The following MAN2A2 variants were observed in gnomAD, a reference collection of about 807,000 sequenced individuals.
The protein encoded by MAN2A2 is mannosidase alpha class 2A member 2.
Under a neutral mutation model 126.8 loss-of-function variants are expected in MAN2A2, and 79 were observed. The observed-to-expected ratio is 0.62, with a 90% CI of 0.52 to 0.75. The LOEUF is 0.75. Ranked by LOEUF, MAN2A2 falls within the 30% of genes least tolerant of loss-of-function variation. The probability of loss-of-function intolerance (pLI) is 0.00; values close to 1 mark genes in which losing one functional copy is unlikely to be tolerated. For missense variants in MAN2A2, 1,392 were observed against 1,522.4 expected (o/e 0.91, Z 1.43); for synonymous variants, 671 against 618.7 (o/e 1.08, Z -1.25).
At chr15:90,918,054 A>C in intron 20 of MAN2A2, 140 bp from the exon 21 acceptor site, 1 of 747,822 alleles carries the variant, frequency 1.3e-6, no homozygotes. Context: ...CCTCGCCTGG[A>C]GCCAGGCGTG....
Position 90,912,651 on chromosome 15 carries a change from A to T in MAN2A2, c.2456A>T (p.Asp819Val). The T allele has an allele frequency of 6.2e-7, 1 of 1,614,124 alleles. No individual in the cohort carries two copies. Among genetic ancestry groups the T allele is most frequent in the Non-Finnish European group, 8.5e-7 (1 of 1,180,006 alleles). The change falls in exon 16 of 23, where the codon GAT becomes GTT. Residue 819 changes from aspartate (D) to valine (V), a missense_variant. Coordinates refer to ENST00000559717, the MANE Select transcript of MAN2A2 (RefSeq NM_006122.4). ...AGTGGAGCCTACCTCTTCCTGCCCG[A>T]TGGCGAGGCCAAGGTATCCTAAAGA... The part of the protein sequence containing the change: ...DKSGAYLFLP[D>V]GEAKPYVPKE...
In MAN2A2 at chr15:90,907,000, T is replaced by G. The variant is rs2034349660; in HGVS notation, c.1009+87T>G. 12 of 1,503,346 alleles carry G rather than the reference T, an allele frequency of 8.0e-6. No individual in the cohort carries two copies. In the South Asian group the frequency reaches 1.4e-4, roughly 18 times the overall value. 93.1% of individuals were successfully genotyped at this position (1,503,346 alleles called of 1,614,324 possible). On this transcript the variant is annotated intron_variant, in intron 7 of 22. Transcript: ENST00000559717. ...ATATCAGAACTAAGACCCCCACTGT[T>G]CTTCAGAGCAGACCTGCAGGCACTG...
chr15:90,902,585 C>G (rs867073581), upstream of MAN2A2: 1 of 152,176 alleles, frequency 6.6e-6, no homozygotes, highest in Non-Finnish European at 1.5e-5. Context: ...GCTGGCCAGG[C>G]CCGGCCCGGG....
intron 5 of MAN2A2, 43 bp from the exon 6 acceptor site, chr15:90,906,327 C>T (rs749261336): frequency 3.0e-5 from 48 of 1,611,782 alleles, no homozygotes; most frequent in Non-Finnish European, 3.5e-5. Flanking sequence ...CAGGACTGGG[C>T]AGAGTGTCCT....
chr15:90,908,608 G>A (rs2034482101), intron 8 of MAN2A2, among the ~76,000 whole-genome samples: 1 of 148,028 alleles, frequency 6.8e-6, no homozygotes. Context: ...TTGAGATGGA[G>A]TCTGTCACCC....
At chr15:90,916,288 G>A in intron 20 of MAN2A2, 32 bp downstream of exon 20, 1 of 1,607,738 alleles carries the variant, frequency 6.2e-7, no homozygotes, top group Non-Finnish European at 8.5e-7. Flanking sequence ...CAGGGAGCCA[G>A]GTCTGGCTAG....
In MAN2A2 at chr15:90,904,232, G is replaced by A. The variant is rs2034066253; in HGVS notation, c.25G>A (p.Val9Met). MKLKKQVT[V>M]CGAAIFCVAV... is the part of the protein sequence containing the mutation. ...TATGAAGCTGAAAAAGCAGGTGACAGTGTGTGGGGCTGCCATCTTCTGTGT... is the reference window on the plus strand; with the variant it reads ...TATGAAGCTGAAAAAGCAGGTGACAATGTGTGGGGCTGCCATCTTCTGTGT... Residue 9 changes from valine (V) to methionine (M), a missense_variant, in exon 2 of 23, where the codon GTG becomes ATG. Physicochemically the swap from Val to Met is conservative, Grantham distance 21. Transcript: ENST00000559717. 6.2e-7 allele frequency: 1 copy of A among 1,614,234 alleles called. No homozygotes were observed.
chr15:90,905,827 C>G lies in MAN2A2; in HGVS notation c.536-18C>G. On this transcript the variant is annotated intron_variant, in intron 4 of 22. Coordinates refer to ENST00000559717, the MANE Select transcript of MAN2A2 (RefSeq NM_006122.4). ...GAAGATGGTGGCATCCTCAGGGGAC[C>G]CTACATTGGCTCCCTAGGCTGGATC... 1 of 1,574,454 alleles carries G rather than the reference C, an allele frequency of 6.4e-7. No individual in the cohort carries two copies. Among genetic ancestry groups the G allele is most frequent in the Non-Finnish European group, 8.6e-7 (1 of 1,159,428 alleles).
chr15:90,912,144 CCTGCACGGCCGGCAG>C lies in MAN2A2; in HGVS notation c.2215_2229del (p.His739_Leu743del), dbSNP rs760343413. On this transcript the variant is annotated inframe_deletion, in exon 15 of 23. Coordinates refer to ENST00000559717, the MANE Select transcript of MAN2A2 (RefSeq NM_006122.4). ...CGCTGCCCTCCTCTGTGCGCATCTACCTGCACGGCCGGCAGCTGTCCGTCAGCAGGCACGAAGCGT... is the reference window on the plus strand; with the variant it reads ...CGCTGCCCTCCTCTGTGCGCATCTACCTGTCCGTCAGCAGGCACGAAGCGT... 1.9e-6 allele frequency: 3 copies of C among 1,613,794 alleles called. No individual in the cohort carries two copies. Among genetic ancestry groups the C allele is most frequent in the Admixed American group, 3.3e-5 (2 of 60,016 alleles).
At chr15:90,904,376 A>G in intron 2 of MAN2A2, 37 bp downstream of exon 2, 1 of 1,602,216 alleles carries the variant, frequency 6.2e-7, no homozygotes, top group Non-Finnish European at 8.5e-7. Flanking sequence ...TTTGTATACA[A>G]GTCACCTGGG....
chr15:90,918,509 C>A (rs1005817741), intron 21 of MAN2A2, 121 bp downstream of exon 21: 1 of 1,297,234 alleles, frequency 7.7e-7, no homozygotes, highest in Non-Finnish European at 1.1e-6. Context: ...CGGCTCCAAA[C>A]CTCCAGGACC....
At chr15:90,911,960 A>C (rs1340422459) in intron 14 of MAN2A2, 83 bp from the exon 15 acceptor site, 2 of 1,175,948 alleles carry the variant, frequency 1.7e-6, no homozygotes, top group Non-Finnish European at 2.5e-6. Flanking sequence ...GGCTTGCTCA[A>C]GCCCTCTGTT....
rs1026335334 is a variant in MAN2A2, at chr15:90,922,432, A to G, written c.*2645A>G. 4 of 152,226 alleles carry G rather than the reference A, an allele frequency of 2.6e-5. No homozygotes were observed. The highest frequency in any genetic ancestry group is 9.6e-5 in the African/African-American group (4 of 41,456). The allele number at this position is 152,226 out of a possible 1,614,324, so 9.4% of individuals were successfully genotyped here. Reference sequence around the variant, plus strand: ...GCCTGGTATATACGAGAGCTCCACAAATGTGAGCTATAATCCTACTAGTAA... The same window carrying G: ...GCCTGGTATATACGAGAGCTCCACAGATGTGAGCTATAATCCTACTAGTAA... On this transcript the variant is annotated 3_prime_UTR_variant, in exon 23 of 23. Coordinates refer to ENST00000559717, the MANE Select transcript of MAN2A2 (RefSeq NM_006122.4).
intron 19 of MAN2A2, 159 bp from the exon 20 acceptor site, chr15:90,915,964 C>T (rs1375193339): frequency 1.4e-6 from 1 of 709,568 alleles, no homozygotes; most frequent in South Asian, 2.0e-5. Context: ...ATCAGGTTCC[C>T]TCCCAGCCGT....
At chr15:90,913,512 T>C (rs1289958330) in intron 18 of MAN2A2, 102 bp from the exon 19 acceptor site, 4 of 1,565,476 alleles carry the variant, frequency 2.6e-6, no homozygotes, top group South Asian at 1.2e-5. Flanking sequence ...TGGAGAAAGA[T>C]GAATGAGAGG....
chr15:90,918,295 G>T lies in MAN2A2; in HGVS notation c.3096G>T (p.Gln1032His). Residue 1032 changes from glutamine to histidine, a missense_variant, in exon 21 of 23, where the codon CAG (glutamine) becomes CAT (histidine). Gln to His is a conservative substitution (Grantham distance 24). Coordinates refer to ENST00000559717, the MANE Select transcript of MAN2A2 (RefSeq NM_006122.4). The part of the protein sequence containing the change: ...PALALPVARM[Q>H]LPGPGLRSFH... ...TCGCTCTGCCTGTAGCCAGGATGCA[G>T]CTCCCAGGCCCTGGTCTGCGCTCAT... is the stretch of plus-strand genomic sequence containing the variant. 1 of 1,614,178 alleles carries T rather than the reference G, an allele frequency of 6.2e-7. No homozygotes were observed.
chr15:90,913,973 G>A (rs1402542608), intron 19 of MAN2A2, among the ~76,000 whole-genome samples: 1 of 152,208 alleles, frequency 6.6e-6, no homozygotes, highest in Non-Finnish European at 1.5e-5. Context: ...GCAACTGGGT[G>A]GAGTGTCCTA....
At position 90,916,372 on chromosome 15, in the gene MAN2A2, A is replaced by G. The variant is rs543163853; in HGVS notation, c.2994+116A>G. The G allele has an allele frequency of 1.1e-3, 1,503 of 1,339,912 alleles. 27 individuals carry two copies. Among genetic ancestry groups the G allele is most frequent in the Non-Finnish European group, 2.3e-4 (223 of 977,462 alleles). The allele number at this position is 1,339,912 out of a possible 1,614,324, so 83.0% of individuals were successfully genotyped here. A position where few individuals can be genotyped will look rare whatever the true frequency, so the allele number is the denominator to read the frequency against. ...TGGAGGTGGGCAAGAGAGAGAGAGT[A>G]GGGCTGAATTCCTGGGGTGGGGGGA... On this transcript the variant is annotated intron_variant, in intron 20 of 22. Transcript: ENST00000559717.
chr15:90,906,497 G>C lies in MAN2A2; in HGVS notation c.835G>C (p.Gly279Arg). 1.2e-6 allele frequency: 2 copies of C among 1,614,148 alleles called. No homozygotes were observed. Among genetic ancestry groups the C allele is most frequent in the Non-Finnish European group, 1.7e-6 (2 of 1,179,998 alleles). ...ACACCAGTGGCTGGAGAGAAATCTT[G>C]GTAAGTCCAGGCCCAGGCATGGGGG... is the stretch of plus-strand genomic sequence containing the variant. The part of the protein sequence containing the change: ...EGHQWLERNL[G>R]ATPRSGWAVD... The change falls in exon 6 of 23, where the codon GGT (glycine) becomes CGT (arginine). Residue 279 changes from glycine to arginine, a missense_variant and splice_region_variant. By Grantham distance (125) the Gly-to-Arg change is moderately radical. Coordinates refer to ENST00000559717, the MANE Select transcript of MAN2A2 (RefSeq NM_006122.4).
Sources: gnomAD v4.1 joint callset for allele counts (sites outside exome capture counted in the v4.1 genomes callset) on GRCh38, gnomAD v4.1.1 for gene constraint, MANE v1.5 for transcripts, NCBI Gene and HGNC (gene_info 2026-07-23, HGNC 2026-07-21) for gene names.